POFUT3: variants seen among roughly 807,000 people sequenced by gnomAD.
POFUT3 encodes GDP-fucose protein O-fucosyltransferase 3.
chr8:33,311,056 A>T, the POFUT3 span, among the ~76,000 whole-genome samples: 1 of 152,184 alleles, frequency 6.6e-6, no homozygotes, highest in African/African-American at 2.4e-5. Context: ...CTGGGAAAAC[A>T]TATCCTTGAT....
chr8:33,385,174 A>T, the POFUT3 span, among the ~76,000 whole-genome samples: 1 of 151,926 alleles, frequency 6.6e-6, no homozygotes, highest in Non-Finnish European at 1.5e-5. Context: ...ATTCCCAGTG[A>T]CCCGCTTGCT....
the POFUT3 span, chr8:33,361,192 G>A: frequency 6.6e-6 from 1 of 152,194 alleles, no homozygotes; most frequent in African/African-American, 2.4e-5. Flanking sequence ...GTGAACAGAT[G>A]TGGATTGGCT....
the POFUT3 span, among the ~76,000 whole-genome samples, chr8:33,388,139 T>A: frequency 1.3e-3 from 199 of 152,208 alleles, no homozygotes; most frequent in African/African-American, 4.6e-3. Flanking sequence ...GTAGTTTCTC[T>A]CTATATTAAT....
At chr8:33,376,907 C>G in the POFUT3 span, among the ~76,000 whole-genome samples, 1 of 152,148 alleles carries the variant, frequency 6.6e-6, no homozygotes, top group Non-Finnish European at 1.5e-5. Flanking sequence ...CAGACTGTAT[C>G]CTGCCAAACT....
chr8:33,368,423 T>C, the POFUT3 span, among the ~76,000 whole-genome samples: 1 of 152,212 alleles, frequency 6.6e-6, no homozygotes, highest in Non-Finnish European at 1.5e-5. Flanking sequence ...GGCCACATTT[T>C]ACTAGTGAAA....
the POFUT3 span, among the ~76,000 whole-genome samples, chr8:33,369,411 C>A: frequency 2.0e-5 from 3 of 152,190 alleles, no homozygotes; most frequent in East Asian, 5.8e-4. Flanking sequence ...ATTAGAATTA[C>A]ACAGTAAAGA....
At chr8:33,386,062 G>A in the POFUT3 span, among the ~76,000 whole-genome samples, 11 of 151,712 alleles carry the variant, frequency 7.3e-5, no homozygotes, top group African/African-American at 2.4e-4. Context: ...GGTGGCATGC[G>A]CTTGTAATCC....
chr8:33,418,196 C>T, the POFUT3 span, among the ~76,000 whole-genome samples: 2 of 152,274 alleles, frequency 1.3e-5, no homozygotes, highest in South Asian at 4.2e-4. Context: ...TGGCTGCTGC[C>T]CTGGGGCCAA....
the POFUT3 span, among the ~76,000 whole-genome samples, chr8:33,360,375 G>A: frequency 6.6e-6 from 1 of 152,014 alleles, no homozygotes; most frequent in African/African-American, 2.4e-5. Flanking sequence ...GAACCCAGGA[G>A]GCGGAGCTTG....
the POFUT3 span, among the ~76,000 whole-genome samples, chr8:33,380,003 A>T: frequency 3.6e-5 from 3 of 83,180 alleles, no homozygotes; most frequent in African/African-American, 5.6e-5. Flanking sequence ...ATATATATAT[A>T]CTATATATAT....
the POFUT3 span, among the ~76,000 whole-genome samples, chr8:33,357,103 C>T: frequency 7.3e-3 from 1,116 of 152,280 alleles, 15 homozygotes; most frequent in Non-Finnish European, 0.013. Flanking sequence ...CGTCAGGTAG[C>T]ATGATGCCTC....
the POFUT3 span, among the ~76,000 whole-genome samples, chr8:33,462,172 C>CGGGG: frequency 3.6e-4 from 1 of 2,806 alleles, no homozygotes; most frequent in Non-Finnish European, 7.8e-4. Context: ...GGGAAGGGAC[C>CGGGG]AGAGTGGTGA....
the POFUT3 span, chr8:33,455,993 G>A: frequency 2.8e-6 from 1 of 358,574 alleles, no homozygotes; most frequent in East Asian, 7.4e-5. Context: ...TGGATCACCT[G>A]AGACGCCAAA....
the POFUT3 span, among the ~76,000 whole-genome samples, chr8:33,321,602 T>G: frequency 6.6e-6 from 1 of 152,100 alleles, no homozygotes; most frequent in East Asian, 1.9e-4. Context: ...TGGCATATTA[T>G]ATTGTCAAGC....
chr8:33,455,708 G>A, the POFUT3 span: 64 of 416,870 alleles, frequency 1.5e-4, 1 homozygote, highest in African/African-American at 1.1e-3. Flanking sequence ...TCCACCAGTC[G>A]GCCATGGAGG....
At chr8:33,333,583 A>T in the POFUT3 span, among the ~76,000 whole-genome samples, 10 of 151,776 alleles carry the variant, frequency 6.6e-5, no homozygotes, top group African/African-American at 2.4e-4. Context: ...GACCAGGGGT[A>T]GAGTATTCCT....
the POFUT3 span, among the ~76,000 whole-genome samples, chr8:33,387,803 C>CA: frequency 8.3e-4 from 124 of 149,480 alleles, no homozygotes; most frequent in Admixed American, 2.9e-3. Context: ...GACTCGGTCT[C>CA]AAAAAAAAAG....
At chr8:33,382,928 T>C in the POFUT3 span, among the ~76,000 whole-genome samples, 4 of 152,244 alleles carry the variant, frequency 2.6e-5, no homozygotes, top group East Asian at 5.8e-4. Context: ...ATTTAACTGT[T>C]GGAGTCACTG....
the POFUT3 span, among the ~76,000 whole-genome samples, chr8:33,444,195 T>C: frequency 1.3e-5 from 2 of 151,906 alleles, no homozygotes; most frequent in Non-Finnish European, 2.9e-5. Flanking sequence ...AGGGAAGCAC[T>C]ATGTCAGAGA....
Sources: gnomAD v4.1 joint callset for allele counts (sites outside exome capture counted in the v4.1 genomes callset) on GRCh38, gnomAD v4.1.1 for gene constraint, MANE v1.5 for transcripts, NCBI Gene and HGNC (gene_info 2026-07-23, HGNC 2026-07-21) for gene names.